Variants in RBFOX1 observed in about 807,000 individuals in gnomAD.
The protein encoded by RBFOX1 is RNA binding fox-1 homolog 1.
RBFOX1 carries 8 observed loss-of-function variants against 57.7 expected under a neutral mutation model. That is an observed-to-expected ratio of 0.14 (90% confidence interval 0.08 to 0.25). RBFOX1 has a LOEUF of 0.25. Among genes scored for constraint, RBFOX1 ranks in the 10% least tolerant of loss-of-function variants. RBFOX1 has a pLI of 1.00. For synonymous variants in RBFOX1, 326 were observed against 222.4 expected (o/e 1.47, Z -4.15); for missense variants, 611 against 548.5 (o/e 1.11, Z -1.14).
At chr16:6,712,035 A>G (rs139398118) in intron 3 of RBFOX1, among the ~76,000 whole-genome samples, 36 of 152,318 alleles carry the variant, frequency 2.4e-4, no homozygotes, top group Admixed American at 1.6e-3. Context: ...CACATATACT[A>G]TATGGTAAAG....
At chr16:5,485,725 A>C (rs2069709692) in intron 2 of RBFOX1, among the ~76,000 whole-genome samples, 1 of 152,146 alleles carries the variant, frequency 6.6e-6, no homozygotes, top group Non-Finnish European at 1.5e-5. Flanking sequence ...CCCTTGGTCT[A>C]TTTTAGGGCA....
At chr16:7,405,137 C>G (rs187178164) in intron 4 of RBFOX1, among the ~76,000 whole-genome samples, 103 of 152,324 alleles carry the variant, frequency 6.8e-4, no homozygotes, top group South Asian at 1.7e-3. Flanking sequence ...AGAAAAATCT[C>G]CAGTGAGGCT....
At chr16:5,359,663 T>C (rs1334214155) in intron 1 of RBFOX1, among the ~76,000 whole-genome samples, 1 of 152,224 alleles carries the variant, frequency 6.6e-6, no homozygotes, top group Admixed American at 6.5e-5. Context: ...ATCAGATTGT[T>C]AGACTTTTCC....
intron 1 of RBFOX1, chr16:6,038,149 C>T (rs2095391111): frequency 6.6e-6 from 1 of 151,096 alleles, no homozygotes; most frequent in Admixed American, 6.6e-5. Context: ...ATATTGGAAG[C>T]AAGCCTATAT....
At chr16:7,278,860 C>T (rs549058584) in intron 4 of RBFOX1, among the ~76,000 whole-genome samples, 2 of 152,282 alleles carry the variant, frequency 1.3e-5, no homozygotes, top group East Asian at 3.9e-4. Context: ...GTCTTGTTCT[C>T]AGCCTAAATT....
intron 15 of RBFOX1, chr16:7,709,521 T>A (rs1161485835): frequency 6.5e-7 from 1 of 1,533,274 alleles, no homozygotes; most frequent in Non-Finnish European, 8.7e-7. Context: ...CAGCACAGAC[T>A]TCAGAGGAGC....
chr16:6,832,355 G>C (rs2092767133), intron 3 of RBFOX1, among the ~76,000 whole-genome samples: 1 of 152,178 alleles, frequency 6.6e-6, no homozygotes, highest in Admixed American at 6.5e-5. Flanking sequence ...TTCTAAATTA[G>C]AGAAATGGAT....
At chr16:6,191,534 A>G (rs890018849) in intron 1 of RBFOX1, among the ~76,000 whole-genome samples, 1 of 152,198 alleles carries the variant, frequency 6.6e-6, no homozygotes, top group Non-Finnish European at 1.5e-5. Context: ...TGTTATGAGT[A>G]TACCACTGAA....
intron 5 of RBFOX1, among the ~76,000 whole-genome samples, chr16:7,534,052 C>T (rs1273988390): frequency 2.6e-5 from 4 of 151,422 alleles, no homozygotes; most frequent in African/African-American, 4.9e-5. Context: ...CAGATCCAGC[C>T]CTGATTCATG....
Position 6,671,958 on chromosome 16 carries a change from C to T in RBFOX1, c.-16+17308C>T, listed in dbSNP as rs148296479. Among the ~76,000 whole-genome samples the T allele has an allele frequency of 3.3e-3, 508 of 152,262 alleles. 4 individuals carry two copies. The highest frequency in any genetic ancestry group is 0.011 in the African/African-American group (448 of 41,546). ...CTACTAAGTAGATAGGATGATAATG[C>T]GAAATAACAATATCGAACAGCTGAT... is the stretch of plus-strand genomic sequence containing the variant. On this transcript the variant is annotated intron_variant, in intron 3 of 15. Transcript: ENST00000550418.
rs562232143 is a variant in RBFOX1 at position 6,142,361 on chromosome 16, A to G, written c.-127+122369A>G. 8.6e-5 allele frequency among the ~76,000 whole-genome samples: 13 copies of G among 151,522 alleles called. No individual in the cohort carries two copies. The East Asian group carries it at 1.4e-3, about 16-fold the overall frequency. On this transcript the variant is annotated intron_variant, in intron 1 of 15. Coordinates refer to ENST00000550418, the MANE Select transcript of RBFOX1 (RefSeq NM_018723.4). Reference sequence around the variant, plus strand: ...CTCAGCCTCCCGAGTAGCTGGGACTACAGGCGCCCGCCTCCGCACGTGGCT... The same window carrying G: ...CTCAGCCTCCCGAGTAGCTGGGACTGCAGGCGCCCGCCTCCGCACGTGGCT...
chr16:5,430,006 C>G (rs1361240817), intron 1 of RBFOX1, among the ~76,000 whole-genome samples: 3 of 152,164 alleles, frequency 2.0e-5, no homozygotes, highest in Non-Finnish European at 4.4e-5. Flanking sequence ...GTTACTATCT[C>G]AAGAACTTTG....
chr16:5,434,437 T>G (rs2067853671), intron 1 of RBFOX1, among the ~76,000 whole-genome samples: 1 of 151,220 alleles, frequency 6.6e-6, no homozygotes, highest in African/African-American at 2.4e-5. Flanking sequence ...TTTTCCTGCC[T>G]TAGCCTCCTG....
chr16:7,640,639 G>T (rs1466059244), intron 11 of RBFOX1, among the ~76,000 whole-genome samples: 2 of 152,196 alleles, frequency 1.3e-5, no homozygotes, highest in Non-Finnish European at 2.9e-5. Context: ...AGGCAGTGAG[G>T]CAATTATTCT....
chr16:5,645,491 C>T (rs533718259), intron 3 of RBFOX1, among the ~76,000 whole-genome samples: 1 of 152,134 alleles, frequency 6.6e-6, no homozygotes, highest in Non-Finnish European at 1.5e-5. Flanking sequence ...TATGAATATA[C>T]TAAATGCTTA....
At chr16:5,927,001 A>C (rs1169362181) in intron 4 of RBFOX1, among the ~76,000 whole-genome samples, 1 of 152,168 alleles carries the variant, frequency 6.6e-6, no homozygotes, top group Non-Finnish European at 1.5e-5. Context: ...AGTGTCCCAA[A>C]ATGTACTTTT....
chr16:7,221,398 G>C (rs933728638), intron 4 of RBFOX1, among the ~76,000 whole-genome samples: 4 of 149,476 alleles, frequency 2.7e-5, no homozygotes, highest in Non-Finnish European at 1.5e-5. Flanking sequence ...ACAGAGTTTT[G>C]CTCTGTCGTC....
chr16:6,884,233 G>C (rs1052439892), intron 3 of RBFOX1, among the ~76,000 whole-genome samples: 3 of 152,182 alleles, frequency 2.0e-5, no homozygotes, highest in Non-Finnish European at 4.4e-5. Flanking sequence ...GCAGAGGCCA[G>C]GGACCCAGGG....
intron 2 of RBFOX1, among the ~76,000 whole-genome samples, chr16:5,562,397 T>C (rs1344843457): frequency 6.6e-6 from 1 of 152,018 alleles, no homozygotes; most frequent in Non-Finnish European, 1.5e-5. Context: ...CCTGTCACTT[T>C]TGGTTATGTG....
Sources: gnomAD v4.1 joint callset for allele counts (sites outside exome capture counted in the v4.1 genomes callset) on GRCh38, gnomAD v4.1.1 for gene constraint, MANE v1.5 for transcripts, NCBI Gene and HGNC (gene_info 2026-07-23, HGNC 2026-07-21) for gene names.